The following B3GAT1 variants were observed in gnomAD, a reference collection of about 807,000 sequenced individuals.
B3GAT1 encodes galactosylgalactosylxylosylprotein 3-beta-glucuronosyltransferase 1.
B3GAT1 carries 11 observed loss-of-function variants against 28.4 expected under a neutral mutation model. That is an observed-to-expected ratio of 0.39 (90% CI 0.24 to 0.64). The LOEUF (loss-of-function observed/expected upper bound fraction) is 0.64, where lower values mean the gene tolerates loss of function less well. B3GAT1 is among the 30% of genes least tolerant of loss of function. The pLI is 0.50. For missense variants in B3GAT1, 375 were observed against 491.0 expected (o/e 0.76, Z 2.23); for synonymous variants, 255 against 223.1 (o/e 1.14, Z -1.27).
chr11:134,403,873 A>C (rs1269768013), intron 1 of B3GAT1, among the ~76,000 whole-genome samples: 2 of 150,974 alleles, frequency 1.3e-5, no homozygotes, highest in Non-Finnish European at 3.0e-5. Context: ...AATTTCTATG[A>C]GGTATCCAGA....
chr11:134,395,621 G>C (rs900450615), intron 1 of B3GAT1, among the ~76,000 whole-genome samples: 8 of 152,028 alleles, frequency 5.3e-5, no homozygotes, highest in Non-Finnish European at 1.0e-4. Context: ...GGGATTGGGG[G>C]AGAAGTCTGG....
At chr11:134,402,780 G>T (rs1006617090) in intron 1 of B3GAT1, among the ~76,000 whole-genome samples, 7 of 152,076 alleles carry the variant, frequency 4.6e-5, no homozygotes, top group Non-Finnish European at 7.4e-5. Context: ...AGGTGTTGTG[G>T]CAGGTGCCTA....
chr11:134,403,333 G>A (rs1475545373), intron 1 of B3GAT1, among the ~76,000 whole-genome samples: 1 of 152,198 alleles, frequency 6.6e-6, no homozygotes, highest in South Asian at 2.1e-4. Flanking sequence ...ACACCGGTAC[G>A]TTTGCCTGGG....
Position 134,381,913 on chromosome 11 carries a change from C to T in B3GAT1, c.*14+11G>A. Reference sequence around the variant, plus strand: ...TGCCCAGTGTGTGGCCCACCCTCGTCATGCCCATACCTGCATCCTGAGGCT... The same window carrying T: ...TGCCCAGTGTGTGGCCCACCCTCGTTATGCCCATACCTGCATCCTGAGGCT... On this transcript the variant is annotated intron_variant, in intron 5 of 5. Coordinates refer to ENST00000312527, the MANE Select transcript of B3GAT1 (RefSeq NM_054025.3). 6.2e-7 allele frequency: 1 copy of T among 1,610,142 alleles called. No homozygotes were observed. Among genetic ancestry groups the T allele is most frequent in the Non-Finnish European group, 8.5e-7 (1 of 1,176,680 alleles).
intron 1 of B3GAT1, chr11:134,391,323 G>T (rs777239494): frequency 6.6e-6 from 1 of 152,230 alleles, no homozygotes. Context: ...GGGGCAGGTC[G>T]TGGGATGTGA....
At chr11:134,396,307 G>C (rs879372227) in intron 1 of B3GAT1, among the ~76,000 whole-genome samples, 1 of 151,904 alleles carries the variant, frequency 6.6e-6, no homozygotes. Flanking sequence ...GGCCATGTCT[G>C]GCCCTCAGCT....
At chr11:134,391,814 A>G (rs953533875) in intron 1 of B3GAT1, 2 of 152,334 alleles carry the variant, frequency 1.3e-5, no homozygotes, top group African/African-American at 4.8e-5. Context: ...CGGCAAGTAG[A>G]GACACAAAAG....
intron 1 of B3GAT1, among the ~76,000 whole-genome samples, chr11:134,395,424 T>C (rs369486212): frequency 6.6e-6 from 1 of 152,002 alleles, no homozygotes; most frequent in African/African-American, 2.4e-5. Flanking sequence ...GTGGGGGTGC[T>C]TCTGCTTGGC....
intron 3 of B3GAT1, 99 bp downstream of exon 3, chr11:134,383,581 C>T: frequency 7.1e-7 from 1 of 1,404,750 alleles, no homozygotes; most frequent in Non-Finnish European, 9.3e-7. Flanking sequence ...TTCCCGGGTT[C>T]CCCCTGCGCG....
At position 134,387,751 on chromosome 11, in the gene B3GAT1, GA is replaced by G. The variant is rs764667459; in HGVS notation, c.-93del. On this transcript the variant is annotated 5_prime_UTR_variant, in exon 2 of 6. It removes the in-frame stop codon of an upstream open reading frame in the 5' UTR. Transcript: ENST00000312527. ...CCACGGGCGGCGGCAGCACAGGGGA[GA>G]AAAGAACAGGCATGGGCCGGGCCGG... 6 of 1,573,348 alleles carry G rather than the reference GA, an allele frequency of 3.8e-6. No individual in the cohort carries two copies. Among genetic ancestry groups the G allele is most frequent in the Non-Finnish European group, 5.2e-6 (6 of 1,161,058 alleles).
At chr11:134,382,137 G>C (rs146954032) in intron 4 of B3GAT1, 113 bp from the exon 5 acceptor site, 5 of 826,560 alleles carry the variant, frequency 6.0e-6, no homozygotes, top group African/African-American at 1.7e-5. Flanking sequence ...CTTTTCCTTC[G>C]AGAGTTTTTC....
chr11:134,401,870 C>G (rs1298439996), intron 1 of B3GAT1, among the ~76,000 whole-genome samples: 1 of 151,768 alleles, frequency 6.6e-6, no homozygotes, highest in Non-Finnish European at 1.5e-5. Context: ...GCCTTTCCAG[C>G]ACATTCTTCT....
chr11:134,411,559 TCGA>T lies in B3GAT1; in HGVS notation c.-282+245_-282+247del, dbSNP rs1944854388. ...GAACCAGCTCTTCCCCTAATCCCGG[TCGA>T]CGAGGGCAGGCTGTGCCGGGTTTTG... On this transcript the variant is annotated intron_variant, in intron 1 of 5. Transcript: ENST00000312527. This position sits in a 1 kb window ranked among gnomAD's most constrained non-coding sequence, Gnocchi z 6.0. 6.6e-6 allele frequency among the ~76,000 whole-genome samples: 1 copy of T among 152,022 alleles called. No individual in the cohort carries two copies. The highest frequency in any genetic ancestry group is 6.5e-5 in the Admixed American group (1 of 15,278).
In B3GAT1 at chr11:134,411,092, ACCT is replaced by A. The variant is rs1944844278; in HGVS notation, c.-282+712_-282+714del. Among the ~76,000 whole-genome samples, 2 of 152,120 alleles carry A rather than the reference ACCT, an allele frequency of 1.3e-5. No homozygotes were observed. Among genetic ancestry groups the A allele is most frequent in the Middle Eastern group, 6.8e-3 (2 of 294 alleles). Reference sequence around the variant, plus strand: ...CTTAGCTGCTTGGTACGGGGCTGTCACCTCCTTACCCTGGCACTGTCGGACCTG... The same window carrying A: ...CTTAGCTGCTTGGTACGGGGCTGTCACCTTACCCTGGCACTGTCGGACCTG... On this transcript the variant is annotated intron_variant, in intron 1 of 5. Coordinates refer to ENST00000312527, the MANE Select transcript of B3GAT1 (RefSeq NM_054025.3). This position sits in a 1 kb window ranked among gnomAD's most constrained non-coding sequence, Gnocchi z 6.0.
chr11:134,398,121 G>A (rs531526045), intron 1 of B3GAT1, among the ~76,000 whole-genome samples: 76 of 152,338 alleles, frequency 5.0e-4, no homozygotes, highest in African/African-American at 1.7e-3. Flanking sequence ...CTGCCCGCCT[G>A]AGTGACTTCA....
chr11:134,384,251 C>T lies in B3GAT1; in HGVS notation c.113-63G>A. The T allele has an allele frequency of 3.4e-6, 5 of 1,480,022 alleles. No homozygotes were observed. In the South Asian group the frequency reaches 4.0e-5, roughly 12 times the overall value. 91.7% of individuals were successfully genotyped at this position (1,480,022 alleles called of 1,614,324 possible). ...GCCGGCTACGGCCCTGGATTCAGAGCGGGACGCCACCCACCCTGCCAGGGC... is the reference window on the plus strand; with the variant it reads ...GCCGGCTACGGCCCTGGATTCAGAGTGGGACGCCACCCACCCTGCCAGGGC... On this transcript the variant is annotated intron_variant, in intron 2 of 5. Coordinates refer to ENST00000312527, the MANE Select transcript of B3GAT1 (RefSeq NM_054025.3).
chr11:134,385,825 C>T (rs1944267533), intron 2 of B3GAT1: 1 of 152,176 alleles, frequency 6.6e-6, no homozygotes, highest in Admixed American at 6.5e-5. Flanking sequence ...CCTGGTGACC[C>T]TAACTTCACT....
At chr11:134,404,617 C>T (rs377268496) in intron 1 of B3GAT1, among the ~76,000 whole-genome samples, 3 of 152,054 alleles carry the variant, frequency 2.0e-5, no homozygotes, top group African/African-American at 4.8e-5. Flanking sequence ...CTGGGAATCA[C>T]GGGGTGACAG....
intron 1 of B3GAT1, among the ~76,000 whole-genome samples, chr11:134,403,100 C>T (rs1475096757): frequency 6.6e-6 from 1 of 152,038 alleles, no homozygotes; most frequent in Non-Finnish European, 1.5e-5. Flanking sequence ...TCCCAGGCTA[C>T]CTATCACACA....
Sources: gnomAD v4.1 joint callset for allele counts (sites outside exome capture counted in the v4.1 genomes callset) on GRCh38, gnomAD v4.1.1 for gene constraint, Gnocchi (gnomAD v3.1) non-coding constraint, MANE v1.5 for transcripts, NCBI Gene and HGNC (gene_info 2026-07-23, HGNC 2026-07-21) for gene names.